NEMP2: variants seen among roughly 807,000 people sequenced by gnomAD.
The protein encoded by NEMP2 is UPF0571 transmembrane protein.
A neutral mutation model predicts 54.2 loss-of-function variants in NEMP2; 53 were observed. The ratio of observed to expected loss-of-function variants is 0.98; its 90% CI spans 0.78 to 1.23. NEMP2 has a LOEUF of 1.23. NEMP2 is among the 50% of genes most tolerant of loss of function. The pLI is 0.00. For missense variants in NEMP2, 455 were observed against 511.3 expected (o/e 0.89, Z 1.06); for synonymous variants, 197 against 190.3 (o/e 1.04, Z -0.29).
upstream of NEMP2, among the ~76,000 whole-genome samples, chr2:190,536,575 C>G (rs1396765741): frequency 1.3e-5 from 2 of 152,140 alleles, no homozygotes; most frequent in Non-Finnish European, 2.9e-5. Context: ...CAAGGCAGGA[C>G]CAGGAGTGTG....
chr2:190,429,269 A>G, the NEMP2 span, among the ~76,000 whole-genome samples: 1 of 150,882 alleles, frequency 6.6e-6, no homozygotes, highest in Non-Finnish European at 1.5e-5. Context: ...TCACCAAAAT[A>G]TCTTCTCTCA....
chr2:190,560,743 T>C, the NEMP2 span, among the ~76,000 whole-genome samples: 6 of 152,224 alleles, frequency 3.9e-5, no homozygotes, highest in South Asian at 2.1e-4. The surrounding 1 kb of genome is among the most constrained non-coding windows in gnomAD (Gnocchi z 5.4). Flanking sequence ...CATCGACTTA[T>C]TGTGCATTTG....
the NEMP2 span, among the ~76,000 whole-genome samples, chr2:190,549,051 C>T: frequency 6.6e-6 from 1 of 152,226 alleles, no homozygotes; most frequent in African/African-American, 2.4e-5. Flanking sequence ...TCCACTTTCT[C>T]TTTTCCTTAT....
At chr2:190,479,081 T>C in the NEMP2 span, among the ~76,000 whole-genome samples, 10 of 152,306 alleles carry the variant, frequency 6.6e-5, no homozygotes, top group East Asian at 1.7e-3. Context: ...TCAGGCCATG[T>C]TCATAATAAT....
the NEMP2 span, among the ~76,000 whole-genome samples, chr2:190,471,274 A>G: frequency 1.3e-5 from 2 of 152,202 alleles, no homozygotes; most frequent in African/African-American, 2.4e-5. This position sits in a 1 kb window ranked among gnomAD's most constrained non-coding sequence, Gnocchi z 4.7. Context: ...GGTGAGCGTG[A>G]GCTGAAGCAG....
the NEMP2 span, among the ~76,000 whole-genome samples, chr2:190,640,787 ATTTTTTTTTTTTTTT>A: frequency 6.8e-5 from 8 of 118,026 alleles, no homozygotes; most frequent in African/African-American, 2.4e-4. Flanking sequence ...AACACATTCA[ATTTTTTTTTTTTTTT>A]TTTTTTTTTT....
the NEMP2 span, among the ~76,000 whole-genome samples, chr2:190,486,723 G>A: frequency 1.7e-4 from 26 of 152,258 alleles, no homozygotes; most frequent in African/African-American, 6.3e-4. Context: ...AAAGAATTTT[G>A]ATCTTTTAGT....
the NEMP2 span, chr2:190,477,371 T>C: frequency 1.8e-5 from 18 of 981,540 alleles, no homozygotes; most frequent in South Asian, 8.5e-4. Context: ...ACTCTATAAA[T>C]AAAGATTTGT....
At chr2:190,465,730 C>G in the NEMP2 span, among the ~76,000 whole-genome samples, 1 of 152,036 alleles carries the variant, frequency 6.6e-6, no homozygotes, top group African/African-American at 2.4e-5. This position sits in a 1 kb window ranked among gnomAD's most constrained non-coding sequence, Gnocchi z 4.6. Flanking sequence ...TGGTGGCTCA[C>G]GCCTATAATC....
the NEMP2 span, among the ~76,000 whole-genome samples, chr2:190,427,249 T>C: frequency 6.6e-6 from 1 of 152,224 alleles, no homozygotes; most frequent in Non-Finnish European, 1.5e-5. Context: ...ATGAAAGTCC[T>C]TGCTCCTTTA....
the NEMP2 span, among the ~76,000 whole-genome samples, chr2:190,450,488 CTTTTTT>C: frequency 1.0e-5 from 1 of 97,254 alleles, no homozygotes; most frequent in Non-Finnish European, 1.9e-5. Flanking sequence ...TCTCTTTTTC[CTTTTTT>C]TTTTTTTTTT....
At chr2:190,439,828 A>G in the NEMP2 span, among the ~76,000 whole-genome samples, 1 of 152,220 alleles carries the variant, frequency 6.6e-6, no homozygotes, top group South Asian at 2.1e-4. This position sits in a 1 kb window ranked among gnomAD's most constrained non-coding sequence, Gnocchi z 5.8. Context: ...AATTATTTCA[A>G]GTGCTTTTAA....
the NEMP2 span, among the ~76,000 whole-genome samples, chr2:190,435,713 A>G: frequency 6.0e-3 from 913 of 152,352 alleles, 13 homozygotes; most frequent in African/African-American, 0.021. Context: ...CTGGGAATCA[A>G]TGAAAAGACT....
Position 190,519,199 on chromosome 2 carries a change from A to C in NEMP2, c.214-16T>G. The C allele has an allele frequency of 2.0e-6, 3 of 1,480,568 alleles. No homozygotes were observed. Among genetic ancestry groups the C allele is most frequent in the East Asian group, 2.5e-5 (1 of 40,530 alleles). The allele number at this position is 1,480,568 out of a possible 1,614,324, so 91.7% of individuals were successfully genotyped here. The stretch of plus-strand genomic sequence containing the variant: ...TAATTTTCACCTGTAAAACAAGAAC[A>C]AGCAAATCCATAAACAGAATAACTT... On this transcript the variant is annotated splice_polypyrimidine_tract_variant and intron_variant, in intron 2 of 8. Transcript: ENST00000409150. This position sits in a 1 kb window ranked among gnomAD's most constrained non-coding sequence, Gnocchi z 5.4.
chr2:190,648,169 T>G, the NEMP2 span: 1 of 152,292 alleles, frequency 6.6e-6, no homozygotes, highest in Middle Eastern at 3.2e-3. Flanking sequence ...CATTAAACAG[T>G]AAAATAAAAG....
the NEMP2 span, chr2:190,477,467 GA>G: frequency 3.1e-6 from 2 of 644,286 alleles, no homozygotes; most frequent in Non-Finnish European, 3.9e-6. Flanking sequence ...GAGTTAGGTG[GA>G]AAAGGACGGT....
downstream of NEMP2, chr2:190,499,788 C>CA: frequency 1.3e-6 from 2 of 1,499,756 alleles, no homozygotes; most frequent in Non-Finnish European, 1.8e-6. The surrounding 1 kb of genome is among the most constrained non-coding windows in gnomAD (Gnocchi z 6.0). Flanking sequence ...TTCCACAAGA[C>CA]ACGTCTGCTT....
chr2:190,605,269 C>G, the NEMP2 span, among the ~76,000 whole-genome samples: 1 of 152,028 alleles, frequency 6.6e-6, no homozygotes, highest in Non-Finnish European at 1.5e-5. Context: ...AATCTTGTCC[C>G]ACCCTCCCCT....
At chr2:190,586,415 G>A in the NEMP2 span, among the ~76,000 whole-genome samples, 1 of 152,064 alleles carries the variant, frequency 6.6e-6, no homozygotes, top group Non-Finnish European at 1.5e-5. The surrounding 1 kb of genome is among the most constrained non-coding windows in gnomAD (Gnocchi z 4.5). Flanking sequence ...AGTGATCACT[G>A]GAACTTGAGT....
Sources: allele counts gnomAD v4.1 joint callset (sites outside exome capture counted in the v4.1 genomes callset), GRCh38; gene constraint gnomAD v4.1.1; non-coding constraint Gnocchi (gnomAD v3.1); transcripts MANE v1.5; gene names NCBI Gene and HGNC (gene_info 2026-07-23, HGNC 2026-07-21).